The following TBXAS1 variants were observed in gnomAD, a reference collection of about 807,000 sequenced individuals.
TBXAS1 encodes the protein thromboxane A synthase 1.
In TBXAS1, 48 loss-of-function variants were observed where a neutral mutation model predicts 60.7. The observed-to-expected ratio is 0.79, with a 90% CI of 0.63 to 1.01. TBXAS1 has a LOEUF of 1.01. TBXAS1 is among the 50% of genes least tolerant of loss of function. TBXAS1 has a pLI of 0.00. For synonymous variants in TBXAS1, 287 were observed against 269.7 expected, an observed-to-expected ratio of 1.06 and a Z score of -0.63; for missense variants, 685 against 686.3, an observed-to-expected ratio of 1.00 and a Z score of 0.02.
intron 1 of TBXAS1, among the ~76,000 whole-genome samples, chr7:139,779,859 T>C (rs1338559790): frequency 6.6e-6 from 1 of 152,220 alleles, no homozygotes; most frequent in Non-Finnish European, 1.5e-5. Context: ...GGTTTACTTG[T>C]AGCCCAGTGC....
At chr7:139,957,437 G>A in intron 7 of TBXAS1, 197 bp from the exon 8 acceptor site, 1 of 658,956 alleles carries the variant, frequency 1.5e-6, no homozygotes, top group Non-Finnish European at 2.7e-6. Context: ...TGCTTACTAT[G>A]TGCCAGGAAT....
In TBXAS1 at chr7:140,004,581, A is replaced by G. The variant is rs1319533944; in HGVS notation, c.1135-2510A>G. Among the ~76,000 whole-genome samples the G allele has an allele frequency of 2.0e-5, 3 of 152,184 alleles. No individual in the cohort carries two copies. The highest frequency in any genetic ancestry group is 2.9e-5 in the Non-Finnish European group (2 of 68,020). On this transcript the variant is annotated intron_variant, in intron 9 of 12. Coordinates refer to ENST00000448866, the MANE Select transcript of TBXAS1 (RefSeq NM_001061.7). The surrounding 1 kb of genome is among the most constrained non-coding windows in gnomAD (Gnocchi z 5.1). ...GACAAGTTGCCTCCAGGTTTGCCCA[A>G]CGGGGATGTTCTTTCAGGCCTGGAC...
At chr7:139,958,100 TA>T (rs1178722204) in intron 8 of TBXAS1, among the ~76,000 whole-genome samples, 3 of 152,124 alleles carry the variant, frequency 2.0e-5, no homozygotes, top group Admixed American at 2.0e-4. Context: ...ATTTTCTGGG[TA>T]AGTGTGCCCA....
intron 4 of TBXAS1, among the ~76,000 whole-genome samples, chr7:139,798,818 G>T (rs976755557): frequency 1.3e-5 from 2 of 152,188 alleles, no homozygotes; most frequent in Non-Finnish European, 2.9e-5. Flanking sequence ...TTTTTTAGAA[G>T]ATTCTGATTC....
In TBXAS1 at chr7:139,955,542, C is replaced by G. The variant is rs137946697; in HGVS notation, c.623C>G (p.Pro208Arg). The G allele has an allele frequency of 3.2e-4, 516 of 1,614,206 alleles. No homozygotes were observed. Among genetic ancestry groups the G allele is most frequent in the Admixed American group, 4.7e-4 (28 of 60,028 alleles). ...PVDSWQAPEDPFVKHCKRFFE... is the reference protein window; with the variant it reads ...PVDSWQAPEDRFVKHCKRFFE... ...GACTCCTGGCAGGCCCCTGAGGATC[C>G]CTTTGTGAAACACTGCAAGCGTTTC... The change falls in exon 7 of 13, where the codon CCC becomes CGC. Residue 208 changes from proline (P) to arginine (R), a missense_variant. Pro to Arg is a moderately radical substitution (Grantham distance 103, BLOSUM62 -2). Transcript: ENST00000448866.
At chr7:139,886,459 G>C (rs1015572) in intron 3 of TBXAS1, among the ~76,000 whole-genome samples, 9,125 of 148,442 alleles carry the variant, frequency 0.061, 392 homozygotes, top group East Asian at 0.13. Context: ...GGAATCTATG[G>C]CTGGTGAATG....
chr7:139,815,003 T>A (rs545535999), intron 4 of TBXAS1, among the ~76,000 whole-genome samples: 1 of 152,336 alleles, frequency 6.6e-6, no homozygotes, highest in East Asian at 1.9e-4. Flanking sequence ...AAAGGGGTGG[T>A]GGCATGCTGG....
At chr7:139,919,655 A>G (rs1483892322) in intron 4 of TBXAS1, among the ~76,000 whole-genome samples, 2 of 152,330 alleles carry the variant, frequency 1.3e-5, no homozygotes, top group South Asian at 2.1e-4. Context: ...TGCATTTGCA[A>G]CACTCTGGAA....
intron 4 of TBXAS1, among the ~76,000 whole-genome samples, chr7:139,932,301 C>G (rs1486691788): frequency 6.6e-6 from 1 of 151,880 alleles, no homozygotes; most frequent in Non-Finnish European, 1.5e-5. Context: ...CATGAAGTCT[C>G]AGGGTTGAAA....
Position 139,872,542 on chromosome 7 carries a change from T to C in TBXAS1, c.183+214T>C, listed in dbSNP as rs527827518. On this transcript the variant is annotated intron_variant, in intron 2 of 12. Transcript: ENST00000448866. Reference sequence around the variant, plus strand: ...GGTGGCTCATGCCTGTAATCCCAGCTACTTGGGAGGCTGAGGCAGGAGAAT... The same window carrying C: ...GGTGGCTCATGCCTGTAATCCCAGCCACTTGGGAGGCTGAGGCAGGAGAAT... 2.0e-5 allele frequency among the ~76,000 whole-genome samples: 3 copies of C among 152,248 alleles called. No individual in the cohort carries two copies. In the South Asian group the frequency reaches 6.2e-4, roughly 32 times the overall value.
At chr7:139,976,249 C>T (rs1811553909) in intron 9 of TBXAS1, among the ~76,000 whole-genome samples, 1 of 152,202 alleles carries the variant, frequency 6.6e-6, no homozygotes, top group Non-Finnish European at 1.5e-5. Context: ...GATGCTGTCA[C>T]CAGCCAGCTC....
upstream of TBXAS1, among the ~76,000 whole-genome samples, chr7:139,825,535 C>G (rs189287157): frequency 4.4e-3 from 671 of 152,316 alleles, 5 homozygotes; most frequent in African/African-American, 0.012. Flanking sequence ...TGGCAACTCC[C>G]CAAGAAAGCT....
intron 9 of TBXAS1, among the ~76,000 whole-genome samples, chr7:139,964,202 C>T (rs1810601224): frequency 6.6e-6 from 1 of 152,220 alleles, no homozygotes; most frequent in African/African-American, 2.4e-5. Flanking sequence ...TCTCCTGCCT[C>T]AGCCTCCCGA....
intron 7 of TBXAS1, 173 bp from the exon 8 acceptor site, chr7:139,957,461 G>T: frequency 3.9e-6 from 3 of 762,660 alleles, no homozygotes; most frequent in East Asian, 5.4e-5. Flanking sequence ...GAGGAGTACC[G>T]AGAGGGAGTG....
intron 4 of TBXAS1, among the ~76,000 whole-genome samples, chr7:139,932,228 A>G (rs1248593439): frequency 1.3e-5 from 2 of 152,044 alleles, no homozygotes; most frequent in Middle Eastern, 3.4e-3. Flanking sequence ...TTTTGCCACA[A>G]TTTTTTAAAT....
intron 1 of TBXAS1, among the ~76,000 whole-genome samples, 170 bp from the exon 2 acceptor site, chr7:139,872,060 CCTATT>C (rs752463523): frequency 1.3e-5 from 2 of 152,148 alleles, no homozygotes; most frequent in Non-Finnish European, 2.9e-5. Flanking sequence ...TGACTGGACT[CCTATT>C]CTACTCACTC....
At chr7:140,016,053 G>A (rs1294953154) in intron 11 of TBXAS1, among the ~76,000 whole-genome samples, 193 bp downstream of exon 11, 6 of 152,240 alleles carry the variant, frequency 3.9e-5, no homozygotes, top group South Asian at 2.1e-4. Flanking sequence ...TTTTAGCCAC[G>A]CGTGGTGGCT....
intron 5 of TBXAS1, among the ~76,000 whole-genome samples, chr7:139,952,290 C>T (rs1327666702): frequency 6.6e-6 from 1 of 152,104 alleles, no homozygotes; most frequent in Non-Finnish European, 1.5e-5. Flanking sequence ...TGCCATGATT[C>T]GTTCATTCAC....
At chr7:139,938,845 T>C (rs1181307001) in intron 5 of TBXAS1, among the ~76,000 whole-genome samples, 2 of 151,922 alleles carry the variant, frequency 1.3e-5, no homozygotes, top group Non-Finnish European at 2.9e-5. Flanking sequence ...GAAAGGAAAA[T>C]AAGGTTTAGC....
Sources: allele counts gnomAD v4.1 joint callset (sites outside exome capture counted in the v4.1 genomes callset), GRCh38; gene constraint gnomAD v4.1.1; non-coding constraint Gnocchi (gnomAD v3.1); transcripts MANE v1.5; gene names NCBI Gene and HGNC (gene_info 2026-07-23, HGNC 2026-07-21).